ALDH9A1: variants seen among roughly 807,000 people sequenced by gnomAD.
ALDH9A1 encodes the protein 4-trimethylaminobutyraldehyde dehydrogenase.
In ALDH9A1, 42 loss-of-function variants were observed where a neutral mutation model predicts 56.6. The ratio of observed to expected loss-of-function variants is 0.74; its 90% CI spans 0.58 to 0.96. The LOEUF is 0.96. ALDH9A1 is among the 40% of genes least tolerant of loss of function. The pLI, the probability that ALDH9A1 is intolerant of heterozygous loss-of-function variation, is 0.00. For missense variants in ALDH9A1, 661 were observed against 651.5 expected, an observed-to-expected ratio of 1.01 and a Z score of -0.16; for synonymous variants, 242 against 236.0, an observed-to-expected ratio of 1.03 and a Z score of -0.23.
intron 6 of ALDH9A1, chr1:165,671,222 A>G: frequency 4.9e-6 from 1 of 206,036 alleles, no homozygotes; most frequent in Admixed American, 5.5e-5. Context: ...ATCGTTAGTA[A>G]GAATGTTCCT....
Position 165,669,081 on chromosome 1 carries a change from A to G in ALDH9A1, c.1120-68T>C, listed in dbSNP as rs533306413. 9 of 1,435,494 alleles carry G rather than the reference A, an allele frequency of 6.3e-6. No individual in the cohort carries two copies. The South Asian group carries it at 1.0e-4, about 16-fold the overall frequency. 88.9% of individuals were successfully genotyped at this position (1,435,494 alleles called of 1,614,324 possible). A position where few individuals can be genotyped will look rare whatever the true frequency, so the allele number is the denominator to read the frequency against. On this transcript the variant is annotated intron_variant, in intron 7 of 10. Coordinates refer to ENST00000354775, the MANE Select transcript of ALDH9A1 (RefSeq NM_000696.4). The stretch of plus-strand genomic sequence containing the variant: ...CCCAAAATGCATTCCTGAAATGTTA[A>G]TTGTATCCCGAACAAACACATAGTC...
intron 6 of ALDH9A1, among the ~76,000 whole-genome samples, chr1:165,672,402 G>A (rs1378456376): frequency 6.6e-6 from 1 of 152,106 alleles, no homozygotes; most frequent in Non-Finnish European, 1.5e-5. Context: ...AAACGAGCCA[G>A]ACATAAAATA....
chr1:165,679,351 G>A (rs1458056683), intron 6 of ALDH9A1, 91 bp downstream of exon 6: 4 of 1,442,114 alleles, frequency 2.8e-6, no homozygotes, highest in Non-Finnish European at 3.8e-6. Context: ...CTGTAAGTCT[G>A]AAAGTATTGT....
chr1:165,667,546 G>A, intron 8 of ALDH9A1, 96 bp from the exon 9 acceptor site: 1 of 1,376,708 alleles, frequency 7.3e-7, no homozygotes, highest in Non-Finnish European at 9.9e-7. Context: ...TCACTATGTT[G>A]CCCAGTCTGG....
intron 2 of ALDH9A1, among the ~76,000 whole-genome samples, chr1:165,688,437 AT>A (rs1474404550): frequency 6.6e-6 from 1 of 152,260 alleles, no homozygotes; most frequent in African/African-American, 2.4e-5. Context: ...AATGGTAAAT[AT>A]GTGGACAAAT....
chr1:165,679,637 T>G, intron 5 of ALDH9A1, 55 bp from the exon 6 acceptor site: 32 of 1,570,008 alleles, frequency 2.0e-5, no homozygotes, highest in Non-Finnish European at 2.6e-5. Flanking sequence ...TATTGCATGC[T>G]AAGTCAACTA....
At chr1:165,676,695 G>T in intron 6 of ALDH9A1, 3 of 449,266 alleles carry the variant, frequency 6.7e-6, no homozygotes, top group Non-Finnish European at 4.3e-6. Flanking sequence ...TGAAGCACCA[G>T]CCTACTCCAC....
At chr1:165,667,555 G>T in intron 8 of ALDH9A1, 105 bp from the exon 9 acceptor site, 2 of 1,257,398 alleles carry the variant, frequency 1.6e-6, no homozygotes, top group Non-Finnish European at 2.2e-6. Context: ...TGCCCAGTCT[G>T]GTCTCAAACA....
chr1:165,683,573 T>C (rs1321930230), intron 2 of ALDH9A1, among the ~76,000 whole-genome samples: 1 of 152,230 alleles, frequency 6.6e-6, no homozygotes, highest in East Asian at 1.9e-4. Flanking sequence ...TGCTCATATA[T>C]GGTAAGAGAA....
At chr1:165,664,960 C>G (rs551187754) in intron 10 of ALDH9A1, 58 bp downstream of exon 10, 3 of 1,350,124 alleles carry the variant, frequency 2.2e-6, no homozygotes, top group Non-Finnish European at 3.2e-6. Flanking sequence ...TTTATAAGGT[C>G]TGAATTACGA....
chr1:165,697,433 C>T (rs1048163908), intron 1 of ALDH9A1, among the ~76,000 whole-genome samples: 1 of 152,162 alleles, frequency 6.6e-6, no homozygotes, highest in Non-Finnish European at 1.5e-5. Flanking sequence ...CATTACAACA[C>T]GTTTTACACC....
At chr1:165,677,130 T>C (rs1037951159) in intron 6 of ALDH9A1, among the ~76,000 whole-genome samples, 3 of 152,176 alleles carry the variant, frequency 2.0e-5, no homozygotes, top group African/African-American at 7.2e-5. Context: ...CCCAGCACTT[T>C]GGGAGGCCGA....
Position 165,669,025 on chromosome 1 carries a change from G to GA in ALDH9A1, c.1120-13dup, listed in dbSNP as rs1229769395. The GA allele has an allele frequency of 1.1e-5, 17 of 1,571,040 alleles. No individual in the cohort carries two copies. Among genetic ancestry groups the GA allele is most frequent in the Non-Finnish European group, 1.4e-5 (16 of 1,159,380 alleles). On this transcript the variant is annotated splice_polypyrimidine_tract_variant and intron_variant, in intron 7 of 10. Coordinates refer to ENST00000354775, the MANE Select transcript of ALDH9A1 (RefSeq NM_000696.4). Reference sequence around the variant, plus strand: ...AACACTTTAGCACCCTGCCGAAAAGGAAAAAAGATATGTTGTATTAAAAAT... The same window carrying GA: ...AACACTTTAGCACCCTGCCGAAAAGGAAAAAAAGATATGTTGTATTAAAAAT...
In ALDH9A1 at chr1:165,671,536, T is replaced by A. The variant is rs73028771; in HGVS notation, c.931-2086A>T. 3.2e-3 allele frequency: 1,447 copies of A among 454,796 alleles called. 20 individuals are homozygous for A. Among genetic ancestry groups the A allele is most frequent in the African/African-American group, 0.027 (1,344 of 48,886 alleles). The allele number at this position is 454,796 out of a possible 1,614,324, so 28.2% of individuals were successfully genotyped here. On this transcript the variant is annotated intron_variant, in intron 6 of 10. Coordinates refer to ENST00000354775, the MANE Select transcript of ALDH9A1 (RefSeq NM_000696.4). Reference sequence around the variant, plus strand: ...GGACCGCTCCTAATCTCCCTGAAGATCTCTACCATTTAATTAAGGCAGCAG... The same window carrying A: ...GGACCGCTCCTAATCTCCCTGAAGAACTCTACCATTTAATTAAGGCAGCAG...
intron 8 of ALDH9A1, 48 bp downstream of exon 8, chr1:165,668,878 T>G: frequency 5.2e-6 from 7 of 1,337,672 alleles, no homozygotes; most frequent in Non-Finnish European, 7.5e-6. Context: ...CTCTATCTAT[T>G]CAGTATTTAA....
chr1:165,680,558 C>T lies in ALDH9A1; in HGVS notation c.718G>A (p.Gly240Ser). 1.2e-6 allele frequency: 2 copies of T among 1,614,148 alleles called. No homozygotes were observed. The highest frequency in any genetic ancestry group is 8.5e-7 in the Non-Finnish European group (1 of 1,180,024). Reference sequence around the variant, plus strand: ...TCGGGATGCTGACACAGAAACTGGCCTGTGGCAGCCCCTCCCTGCACCACA... The same window carrying T: ...TCGGGATGCTGACACAGAAACTGGCTTGTGGCAGCCCCTCCCTGCACCACA... ...FNVVQGGAAT[G>S]QFLCQHPDVA... The change falls in exon 5 of 11, where the codon GGC becomes AGC. Residue 240 changes from glycine (G) to serine (S), a missense_variant. Gly to Ser is a moderately conservative substitution (Grantham distance 56). Coordinates refer to ENST00000354775, the MANE Select transcript of ALDH9A1 (RefSeq NM_000696.4).
chr1:165,663,113 G>C lies in ALDH9A1; in HGVS notation c.1494C>G (p.Ile498Met). Residue 498 changes from isoleucine (I) to methionine (M), a missense_variant, in exon 11 of 11, where the codon ATC becomes ATG. Transcript: ENST00000354775. ...CAGTCTTCAGCTGTGAATAATATTC[G>C]ATTGTCACACGGCCGTTCTCTCTGC... is the stretch of plus-strand genomic sequence containing the variant. ...GFGRENGRVT[I>M]EYYSQLKTVC... 1 of 1,613,996 alleles carries C rather than the reference G, an allele frequency of 6.2e-7. No homozygotes were observed. Among genetic ancestry groups the C allele is most frequent in the Non-Finnish European group, 8.5e-7 (1 of 1,179,936 alleles).
At chr1:165,694,297 A>T (rs573758938) in intron 2 of ALDH9A1, among the ~76,000 whole-genome samples, 1 of 152,046 alleles carries the variant, frequency 6.6e-6, no homozygotes, top group African/African-American at 2.4e-5. Flanking sequence ...GATTCTGGGA[A>T]ACAAAAGAAA....
At chr1:165,687,418 A>C (rs2101752546) in intron 2 of ALDH9A1, among the ~76,000 whole-genome samples, 1 of 152,312 alleles carries the variant, frequency 6.6e-6, no homozygotes, top group Middle Eastern at 3.4e-3. Context: ...AAAAGACATC[A>C]TAATCAAATT....
Sources: gnomAD v4.1 joint callset for allele counts (sites outside exome capture counted in the v4.1 genomes callset) on GRCh38, gnomAD v4.1.1 for gene constraint, MANE v1.5 for transcripts, NCBI Gene and HGNC (gene_info 2026-07-23, HGNC 2026-07-21) for gene names.